EIF2S3: variants seen among roughly 807,000 people sequenced by gnomAD.
EIF2S3 encodes eukaryotic translation initiation factor 2 subunit 3.
Under a neutral mutation model 31.7 loss-of-function variants are expected in EIF2S3, and 2 were observed. That is an observed-to-expected ratio of 0.06 (90% CI 0.03 to 0.20). The LOEUF (loss-of-function observed/expected upper bound fraction) is 0.20, where lower values mean the gene tolerates loss of function less well. EIF2S3 is among the 10% of genes least tolerant of loss of function. The pLI is 1.00. For missense variants in EIF2S3, 96 were observed against 359.3 expected (o/e 0.27, Z 5.92); for synonymous variants, 120 against 126.7 (o/e 0.95, Z 0.36).
chrX:24,072,512 G>A (rs1294794340), intron 10 of EIF2S3, among the ~76,000 whole-genome samples: 1 of 110,807 alleles, frequency 9.0e-6, no homozygotes, highest in Non-Finnish European at 1.9e-5. Flanking sequence ...CCAACTCCTG[G>A]GCTTGAGCAA....
At chrX:24,055,198 G>C (rs1930382320) in intron 1 of EIF2S3, among the ~76,000 whole-genome samples, 161 bp downstream of exon 1, 1 of 111,565 alleles carries the variant, frequency 9.0e-6, no homozygotes, top group African/African-American at 3.3e-5. Flanking sequence ...CGCGCCGCCT[G>C]TACCCAGGCC....
intron 9 of EIF2S3, among the ~76,000 whole-genome samples, chrX:24,070,650 T>A (rs949801203): frequency 9.1e-6 from 1 of 109,785 alleles, no homozygotes; most frequent in Non-Finnish European, 1.9e-5. Flanking sequence ...TTGGCTAGAC[T>A]TGTCTTGAAC....
chrX:24,063,275 C>T (rs1930520365), intron 6 of EIF2S3, among the ~76,000 whole-genome samples: 2 of 111,749 alleles, frequency 1.8e-5, no homozygotes, highest in African/African-American at 3.3e-5. Flanking sequence ...CTAGAGTGTC[C>T]CTTCTCTAAT....
rs1339408983 is a variant in EIF2S3, at chrX:24,065,830, A to G, written c.773-168A>G. On this transcript the variant is annotated intron_variant, in intron 7 of 11. Transcript: ENST00000253039. ...AACTTAAGTTACTTTCATTTTTTCC[A>G]TCATAAGTAAGACTGCTTAATCATT... Among the ~76,000 whole-genome samples the G allele has an allele frequency of 7.2e-5, 8 of 111,750 alleles. No homozygotes were observed. The Admixed American group carries it at 7.7e-4, about 11-fold the overall frequency.
intron 5 of EIF2S3, among the ~76,000 whole-genome samples, chrX:24,061,256 TAAAAAAAAAAA>T (rs745398921): frequency 7.2e-5 from 3 of 41,740 alleles, no homozygotes; most frequent in African/African-American, 2.6e-4. Context: ...GACTCAGTCT[TAAAAAAAAAAA>T]AAAAAAAAGC....
rs758813480 is a variant in EIF2S3, at chrX:24,074,862, C to CTTTTTTTTTTTTTTTTTTT, written c.1355+1602_1355+1620dup. ...GTACTCATCATTTTTTTTTCTTCTTCTTTTTTTTTTTTTTTTTTTTTGAGA... is the reference window on the plus strand; with the variant it reads ...GTACTCATCATTTTTTTTTCTTCTTCTTTTTTTTTTTTTTTTTTTTTTTTTTTTTTTTTTTTTTTTGAGA... On this transcript the variant is annotated intron_variant, in intron 11 of 11. Transcript: ENST00000253039. 1.1e-4 allele frequency among the ~76,000 whole-genome samples: 5 copies of CTTTTTTTTTTTTTTTTTTT among 47,464 alleles called. 1 individual carries two copies. Among genetic ancestry groups the CTTTTTTTTTTTTTTTTTTT allele is most frequent in the African/African-American group, 1.9e-4 (2 of 10,438 alleles). The allele number at this position is 47,464 out of a possible 115,157, so 41.2% of individuals were successfully genotyped here.
intron 7 of EIF2S3, 91 bp downstream of exon 7, chrX:24,064,426 C>T: frequency 2.0e-6 from 2 of 1,019,955 alleles, no homozygotes; most frequent in South Asian, 2.9e-5. Flanking sequence ...TTTCCTCTTT[C>T]TGCAGAGGTG....
At position 24,065,980 on chromosome X, in the gene EIF2S3, T is replaced by TA. The variant is rs1419433312; in HGVS notation, c.773-16dup. The stretch of plus-strand genomic sequence containing the variant: ...AAGTTAAGATTAACAGAACTGACTT[T>TA]AATTTGTTTTATTTTAGTTATTAGA... On this transcript the variant is annotated splice_polypyrimidine_tract_variant and intron_variant, in intron 7 of 11. Coordinates refer to ENST00000253039, the MANE Select transcript of EIF2S3 (RefSeq NM_001415.4). 1 of 1,159,090 alleles carries TA rather than the reference T, an allele frequency of 8.6e-7. No homozygotes were observed. Among genetic ancestry groups the TA allele is most frequent in the Non-Finnish European group, 1.2e-6 (1 of 853,469 alleles).
chrX:24,059,162 A>G (rs1238942333), intron 4 of EIF2S3, among the ~76,000 whole-genome samples: 1 of 112,455 alleles, frequency 8.9e-6, no homozygotes, highest in Non-Finnish European at 1.9e-5. Context: ...TTTGCAAGCC[A>G]TAGAGTTTCT....
At chrX:24,065,155 A>G (rs1930552712) in intron 7 of EIF2S3, among the ~76,000 whole-genome samples, 1 of 111,689 alleles carries the variant, frequency 9.0e-6, no homozygotes, top group Admixed American at 9.6e-5. Context: ...AGTGTTTTAT[A>G]GTTATAAAGC....
At chrX:24,060,829 C>T (rs978608306) in intron 5 of EIF2S3, among the ~76,000 whole-genome samples, 4 of 104,566 alleles carry the variant, frequency 3.8e-5, no homozygotes, top group Admixed American at 1.1e-4. Context: ...GGTGTGGTGG[C>T]GCATGCTTGT....
At chrX:24,076,391 G>A (rs1283105575) in intron 11 of EIF2S3, among the ~76,000 whole-genome samples, 1 of 110,638 alleles carries the variant, frequency 9.0e-6, no homozygotes, top group East Asian at 2.9e-4. Context: ...AAAATCAGCC[G>A]GGCATGGTGG....
intron 1 of EIF2S3, among the ~76,000 whole-genome samples, 198 bp from the exon 2 acceptor site, chrX:24,055,417 G>A (rs1179723305): frequency 9.0e-6 from 1 of 111,643 alleles, no homozygotes; most frequent in Non-Finnish European, 1.9e-5. Context: ...GAGTGGAGGT[G>A]TAGTCTGTTG....
chrX:24,064,397 T>C, intron 7 of EIF2S3, 62 bp downstream of exon 7: 4 of 1,080,538 alleles, frequency 3.7e-6, no homozygotes, highest in Non-Finnish European at 3.6e-6. Flanking sequence ...TGATTCCTCT[T>C]CAAGGATGTT....
rs187758367 is a variant in EIF2S3, at chrX:24,060,620, T to G, written c.478+438T>G. On this transcript the variant is annotated intron_variant, in intron 5 of 11. Transcript: ENST00000253039. ...TGGAGTTTTGAAGGGTAGCGTATGC[T>G]TTGTTTCTTATGTTAGCTGTTGAGA... The G allele has an allele frequency of 9.8e-5, 13 of 132,254 alleles. No individual in the cohort carries two copies. The Admixed American group carries it at 1.1e-3, about 11-fold the overall frequency. 10.9% of individuals were successfully genotyped at this position (132,254 alleles called of 1,213,427 possible). A position where few individuals can be genotyped will look rare whatever the true frequency, so the allele number is the denominator to read the frequency against.
At chrX:24,066,615 C>T (rs369338135) in intron 8 of EIF2S3, among the ~76,000 whole-genome samples, 3 of 106,474 alleles carry the variant, frequency 2.8e-5, no homozygotes, top group African/African-American at 3.4e-5. Context: ...TGGGTTCAAG[C>T]GATTCTCCCT....
At chrX:24,066,523 CTTTTTTTTT>C (rs113989989) in intron 8 of EIF2S3, among the ~76,000 whole-genome samples, 2 of 94,336 alleles carry the variant, frequency 2.1e-5, no homozygotes, top group Non-Finnish European at 4.1e-5. Context: ...CTTTTCTTTT[CTTTTTTTTT>C]TTTTTCTTGA....
chrX:24,070,922 A>C (rs1015794997), intron 9 of EIF2S3, among the ~76,000 whole-genome samples: 1 of 111,639 alleles, frequency 9.0e-6, no homozygotes, highest in Non-Finnish European at 1.9e-5. Flanking sequence ...TTTCAAGACC[A>C]GGTCAGTAAT....
intron 9 of EIF2S3, among the ~76,000 whole-genome samples, chrX:24,068,448 C>CT (rs375660956): frequency 0.01 from 1,045 of 102,581 alleles, 17 homozygotes; most frequent in African/African-American, 0.034. Context: ...TAATGGTTGC[C>CT]TTTTTTTTTT....
Sources: allele counts gnomAD v4.1 joint callset (sites outside exome capture counted in the v4.1 genomes callset), GRCh38; gene constraint gnomAD v4.1.1; transcripts MANE v1.5; gene names NCBI Gene and HGNC (gene_info 2026-07-23, HGNC 2026-07-21).